CCL28: variants seen among roughly 807,000 people sequenced by gnomAD.
CCL28 encodes C-C motif chemokine ligand 28.
Under a neutral mutation model 7.1 loss-of-function variants are expected in CCL28, and 4 were observed. The ratio of observed to expected loss-of-function variants is 0.56; its 90% CI spans 0.28 to 1.29. The LOEUF is 1.29. CCL28 is among the 50% of genes most tolerant of loss of function. The pLI, the probability that CCL28 is intolerant of heterozygous loss-of-function variation, is 0.11. For synonymous variants in CCL28, 55 were observed against 57.8 expected, an observed-to-expected ratio of 0.95 and a Z score of 0.22; for missense variants, 151 against 163.4, an observed-to-expected ratio of 0.92 and a Z score of 0.41.
intron 1 of CCL28, among the ~76,000 whole-genome samples, chr5:43,399,600 G>A (rs1208107504): frequency 6.6e-6 from 1 of 152,052 alleles, no homozygotes; most frequent in African/African-American, 2.4e-5. Context: ...TTGTTTTAAG[G>A]CTTTTAATGT....
Position 43,379,784 on chromosome 5 carries a change from G to A in CCL28, c.*2076C>T, listed in dbSNP as rs1469616801. 1.3e-5 allele frequency: 2 copies of A among 152,062 alleles called. No homozygotes were observed. The highest frequency in any genetic ancestry group is 3.9e-4 in the East Asian group (2 of 5,186). The allele number at this position is 152,062 out of a possible 1,614,324, so 9.4% of individuals were successfully genotyped here. ...ACCTATCTATCTTGAAGCCTCTATG[G>A]ACAAAAAAGAGGCCAAAAGAGGAAT... On this transcript the variant is annotated 3_prime_UTR_variant, in exon 3 of 3. Coordinates refer to ENST00000361115, the MANE Select transcript of CCL28 (RefSeq NM_148672.3).
At chr5:43,399,664 C>T (rs148941414) in intron 1 of CCL28, among the ~76,000 whole-genome samples, 1 of 152,044 alleles carries the variant, frequency 6.6e-6, no homozygotes, top group Non-Finnish European at 1.5e-5. Flanking sequence ...TTTGGTCAAG[C>T]TCTTATGTCC....
intron 2 of CCL28, among the ~76,000 whole-genome samples, chr5:43,386,467 G>A (rs913964797): frequency 2.0e-5 from 3 of 152,100 alleles, no homozygotes; most frequent in African/African-American, 4.8e-5. Flanking sequence ...CTTGAACTGA[G>A]GAGATGCTGA....
chr5:43,362,040 T>C, the CCL28 span, among the ~76,000 whole-genome samples: 4 of 152,176 alleles, frequency 2.6e-5, no homozygotes, highest in Non-Finnish European at 5.9e-5. Flanking sequence ...AAGAATGTCA[T>C]TGGTAGTTTG....
intron 1 of CCL28, among the ~76,000 whole-genome samples, chr5:43,390,699 A>C (rs1740535776): frequency 6.6e-6 from 1 of 152,214 alleles, no homozygotes; most frequent in Non-Finnish European, 1.5e-5. Context: ...CTGATTATGC[A>C]AGGGATCATC....
downstream of CCL28, among the ~76,000 whole-genome samples, chr5:43,378,024 G>A (rs1056807961): frequency 2.6e-5 from 4 of 151,848 alleles, no homozygotes; most frequent in Non-Finnish European, 4.4e-5. Context: ...GAGCCACCGC[G>A]CCCGGCCAGA....
downstream of CCL28, among the ~76,000 whole-genome samples, chr5:43,374,609 C>T (rs1739848057): frequency 6.6e-6 from 1 of 151,988 alleles, no homozygotes; most frequent in Non-Finnish European, 1.5e-5. Flanking sequence ...GGTGAAACCC[C>T]ATCTCTACTA....
chr5:43,376,435 G>C (rs1261750403), downstream of CCL28, among the ~76,000 whole-genome samples: 1 of 152,180 alleles, frequency 6.6e-6, no homozygotes, highest in Non-Finnish European at 1.5e-5. Context: ...ATCAGCCCAA[G>C]ATGTCAGTAG....
chr5:43,396,181 TTTTGAGACCAAATCGGGTAAC>T (rs1740794325), intron 1 of CCL28, among the ~76,000 whole-genome samples: 1 of 152,100 alleles, frequency 6.6e-6, no homozygotes. Context: ...ATGCCTCCCC[TTTTGAGACCAAATCGGGTAAC>T]TTTCTGACGT....
chr5:43,391,897 G>T (rs752073028), intron 1 of CCL28, among the ~76,000 whole-genome samples: 1 of 152,026 alleles, frequency 6.6e-6, no homozygotes, highest in African/African-American at 2.4e-5. Context: ...AAATAGTGGG[G>T]CTGGAATTTG....
the CCL28 span, among the ~76,000 whole-genome samples, chr5:43,370,805 G>A: frequency 6.7e-6 from 1 of 148,564 alleles, no homozygotes; most frequent in African/African-American, 2.5e-5. Flanking sequence ...GCAGTGGCGT[G>A]ACCTCGGCTC....
At chr5:43,361,253 G>C in the CCL28 span, among the ~76,000 whole-genome samples, 1 of 152,166 alleles carries the variant, frequency 6.6e-6, no homozygotes, top group Non-Finnish European at 1.5e-5. Context: ...CCATGTCTTT[G>C]CTATTGTGAA....
chr5:43,375,601 GTTAC>G (rs1739875091), downstream of CCL28, among the ~76,000 whole-genome samples: 1 of 151,356 alleles, frequency 6.6e-6, no homozygotes, highest in Admixed American at 6.6e-5. Context: ...CGTGAATGCT[GTTAC>G]TTAAAAATCT....
intron 2 of CCL28, among the ~76,000 whole-genome samples, chr5:43,386,318 T>C (rs1740334470): frequency 6.6e-6 from 1 of 152,332 alleles, no homozygotes. Flanking sequence ...TGGCCAGACA[T>C]GTACCAAGGA....
Position 43,379,368 on chromosome 5 carries a change from G to T in CCL28, c.*2492C>A, listed in dbSNP as rs1740013173. The T allele has an allele frequency of 6.6e-6, 1 of 152,100 alleles. No homozygotes were observed. The allele number at this position is 152,100 out of a possible 1,614,324, so 9.4% of individuals were successfully genotyped here. A position where few individuals can be genotyped will look rare whatever the true frequency, so the allele number is the denominator to read the frequency against. On this transcript the variant is annotated 3_prime_UTR_variant, in exon 3 of 3. Transcript: ENST00000361115. The stretch of plus-strand genomic sequence containing the variant: ...AAATTGTGGTTTATTAATATTTTAA[G>T]TTACTCTCATATTATATTTTATTAA...
At chr5:43,400,548 G>T (rs1481370509) in intron 1 of CCL28, among the ~76,000 whole-genome samples, 2 of 152,046 alleles carry the variant, frequency 1.3e-5, no homozygotes, top group Admixed American at 1.3e-4. Context: ...CTCTTACTTG[G>T]ATGTGTTGTA....
chr5:43,382,732 G>GTTT (rs1241216988), intron 2 of CCL28, among the ~76,000 whole-genome samples: 2 of 152,042 alleles, frequency 1.3e-5, no homozygotes, highest in Non-Finnish European at 2.9e-5. Flanking sequence ...ACAAAACTAA[G>GTTT]ATATTCTAGG....
At chr5:43,362,170 T>C in the CCL28 span, among the ~76,000 whole-genome samples, 4,382 of 152,256 alleles carry the variant, frequency 0.029, 161 homozygotes, top group African/African-American at 0.086. Flanking sequence ...TCTGATTTCT[T>C]TGAGCTGTGT....
intron 2 of CCL28, among the ~76,000 whole-genome samples, chr5:43,384,321 G>A (rs1271636622): frequency 6.6e-6 from 1 of 152,164 alleles, no homozygotes; most frequent in Non-Finnish European, 1.5e-5. Context: ...CTTTTTCAAA[G>A]ACTTGCTGGT....
Sources: gnomAD v4.1 joint callset for allele counts (sites outside exome capture counted in the v4.1 genomes callset) on GRCh38, gnomAD v4.1.1 for gene constraint, MANE v1.5 for transcripts, NCBI Gene and HGNC (gene_info 2026-07-23, HGNC 2026-07-21) for gene names.